ODAD4: variants seen among roughly 807,000 people sequenced by gnomAD.
The protein encoded by ODAD4 is outer dynein arm-docking complex subunit 4.
Under a neutral mutation model 51.8 loss-of-function variants are expected in ODAD4, and 49 were observed. The ratio of observed to expected loss-of-function variants is 0.95; its 90% CI spans 0.75 to 1.20. The LOEUF (loss-of-function observed/expected upper bound fraction) is 1.20, where lower values mean the gene tolerates loss of function less well. Among genes scored for constraint, ODAD4 ranks in the 50% most tolerant of loss-of-function variants. The pLI is 0.00. For missense variants in ODAD4, 590 were observed against 586.5 expected, an observed-to-expected ratio of 1.01 and a Z score of -0.06; for synonymous variants, 235 against 221.3, an observed-to-expected ratio of 1.06 and a Z score of -0.55.
At chr17:41,935,113 G>T (rs944453551) in intron 1 of ODAD4, 104 bp from the exon 2 acceptor site, 2 of 1,348,486 alleles carry the variant, frequency 1.5e-6, no homozygotes, top group Non-Finnish European at 2.0e-6. Context: ...TTTCTTCAGA[G>T]CCTGAAGAAA....
chr17:41,959,332 C>T (rs575646514), intron 10 of ODAD4, among the ~76,000 whole-genome samples: 10 of 152,372 alleles, frequency 6.6e-5, no homozygotes, highest in Admixed American at 2.6e-4. Context: ...ACCACTGGCA[C>T]GCAGCTGGAC....
At chr17:41,933,852 A>G (rs2050385226) in intron 1 of ODAD4, among the ~76,000 whole-genome samples, 1 of 151,928 alleles carries the variant, frequency 6.6e-6, no homozygotes, top group Non-Finnish European at 1.5e-5. Context: ...TAGATGCCTC[A>G]GGAAGGACAG....
chr17:41,961,529 G>C (rs1464413615), intron 11 of ODAD4, 63 bp downstream of exon 11: 1 of 712,976 alleles, frequency 1.4e-6, no homozygotes, highest in Admixed American at 2.0e-5. Context: ...TTTTCCTCTA[G>C]TCCGAGACAC....
At position 41,938,978 on chromosome 17, in the gene ODAD4, C is replaced by T. The variant is rs782659745; in HGVS notation, c.864C>T (p.Gly288=). The T allele has an allele frequency of 1.1e-5, 17 of 1,609,866 alleles. No individual in the cohort carries two copies. The Admixed American group carries it at 2.2e-4, about 21-fold the overall frequency. The change falls in exon 7 of 12, where the codon GGC becomes GGT. Residue 288 remains glycine, a synonymous_variant. Coordinates refer to ENST00000377540, the MANE Select transcript of ODAD4 (RefSeq NM_031421.5). The part of the protein sequence containing the change: ...LEDIDMLLTS[G]SAEGSLQKAE... ...TTCCTTTCTCAGTGCTCACAAGTGG[C>T]AGTGCTGAAGGGAGTCTTCAGAAAG...
chr17:41,937,077 G>C (rs2050440177), intron 5 of ODAD4, 150 bp downstream of exon 5: 4 of 943,318 alleles, frequency 4.2e-6, no homozygotes, highest in Non-Finnish European at 6.4e-6. Flanking sequence ...TTACAGATGA[G>C]GAAACTGAGG....
rs2050878051 is a variant in ODAD4 at position 41,965,882 on chromosome 17, G to A, written c.*399G>A. 6.6e-6 allele frequency among the ~76,000 whole-genome samples: 1 copy of A among 152,188 alleles called. No individual in the cohort carries two copies. Among genetic ancestry groups the A allele is most frequent in the Non-Finnish European group, 1.5e-5 (1 of 68,032 alleles). ...GCGCAGGACAGCGGGGAGGCTTTAT[G>A]GATGGAACAGTGGTGGGGCGGCCCC... On this transcript the variant is annotated 3_prime_UTR_variant, in exon 12 of 12. Coordinates refer to ENST00000377540, the MANE Select transcript of ODAD4 (RefSeq NM_031421.5).
chr17:41,936,366 AG>A (rs1401528159), intron 3 of ODAD4, 106 bp from the exon 4 acceptor site: 5 of 789,452 alleles, frequency 6.3e-6, no homozygotes, highest in Non-Finnish European at 1.1e-5. Flanking sequence ...GCTTTGCCAC[AG>A]CCTCCACCAT....
At chr17:41,964,663 G>T (rs1365014595) in intron 11 of ODAD4, among the ~76,000 whole-genome samples, 1 of 151,810 alleles carries the variant, frequency 6.6e-6, no homozygotes, top group Non-Finnish European at 1.5e-5. Context: ...TTCTTTTTTG[G>T]AGACGGGTCT....
At chr17:41,945,461 A>G (rs1325610294) in intron 8 of ODAD4, among the ~76,000 whole-genome samples, 2 of 151,824 alleles carry the variant, frequency 1.3e-5, no homozygotes, top group African/African-American at 4.8e-5. Flanking sequence ...GCAGTGAGAC[A>G]TGATCACACT....
intron 10 of ODAD4, among the ~76,000 whole-genome samples, chr17:41,960,552 G>A (rs1183152171): frequency 6.6e-6 from 1 of 152,238 alleles, no homozygotes; most frequent in Non-Finnish European, 1.5e-5. Context: ...CCCCAGCTGG[G>A]AGGCAGAGCT....
chr17:41,952,619 A>G (rs1235944880), intron 9 of ODAD4: 1 of 505,912 alleles, frequency 2.0e-6, no homozygotes, highest in African/African-American at 1.9e-5. Context: ...TTGAATAAGC[A>G]TGTGACTCTT....
chr17:41,956,569 G>A lies in ODAD4; in HGVS notation c.1443+1252G>A, dbSNP rs553851768. Among the ~76,000 whole-genome samples, 225 of 147,976 alleles carry A rather than the reference G, an allele frequency of 1.5e-3. 1 individual carries two copies. Among genetic ancestry groups the A allele is most frequent in the Non-Finnish European group, 2.7e-3 (179 of 67,528 alleles). On this transcript the variant is annotated intron_variant, in intron 10 of 11. Coordinates refer to ENST00000377540, the MANE Select transcript of ODAD4 (RefSeq NM_031421.5). ...GGGACCCAACGTGTTGCTGGGACTCGGCAACATGGCGAAACCCTATCTCTA... is the reference window on the plus strand; with the variant it reads ...GGGACCCAACGTGTTGCTGGGACTCAGCAACATGGCGAAACCCTATCTCTA...
chr17:41,933,132 A>G (rs1555637206), intron 1 of ODAD4, among the ~76,000 whole-genome samples: 1 of 152,082 alleles, frequency 6.6e-6, no homozygotes, highest in African/African-American at 2.4e-5. Context: ...ATCATGTCCC[A>G]TCCTGAAGTA....
chr17:41,953,964 C>T (rs1405759100), intron 9 of ODAD4, among the ~76,000 whole-genome samples: 2 of 151,500 alleles, frequency 1.3e-5, no homozygotes, highest in African/African-American at 4.9e-5. Flanking sequence ...CCGCACCTAG[C>T]CTATGTATGT....
Position 41,938,564 on chromosome 17 carries a change from C to A in ODAD4, c.633C>A (p.Ile211=). The stretch of plus-strand genomic sequence containing the variant: ...CACACCCCTTCCCCACAGACCTGAT[C>A]AAAGGCACCATGAAGGGCGGCCTGA... ...LEKLLLDEDL[I]KGTMKGGLTV... The change falls in exon 6 of 12, where the codon ATC becomes ATA. Residue 211 remains isoleucine (I), a synonymous_variant. Transcript: ENST00000377540. 6.2e-7 allele frequency: 1 copy of A among 1,613,754 alleles called. No homozygotes were observed. Among genetic ancestry groups the A allele is most frequent in the South Asian group, 1.1e-5 (1 of 91,056 alleles).
intron 7 of ODAD4, among the ~76,000 whole-genome samples, chr17:41,944,226 G>A (rs1439789770): frequency 3.3e-5 from 5 of 151,640 alleles, no homozygotes; most frequent in Admixed American, 2.6e-4. Flanking sequence ...TTAGCTGGGC[G>A]TGGTGGCATG....
chr17:41,944,431 CACACACACACA>C (rs2050554120), intron 7 of ODAD4, among the ~76,000 whole-genome samples: 7 of 5,490 alleles, frequency 1.3e-3, no homozygotes, highest in Admixed American at 4.0e-3. Flanking sequence ...CACACACACA[CACACACACACA>C]CACCCCCCCG....
In ODAD4 at chr17:41,936,784, C is replaced by T; in HGVS notation, c.482C>T (p.Pro161Leu). ...CAGAATATAAAAGCCCAGCAGAAGC[C>T]TCAGCCCATGAAACACCTCTTACAC... The part of the protein sequence containing the change: ...QAENIKAQQK[P>L]QPMKHLLHPT... Residue 161 changes from proline (P) to leucine (L), a missense_variant, in exon 5 of 12, where the codon CCT (proline) becomes CTT (leucine). By Grantham distance (98) the Pro-to-Leu change is moderately conservative (BLOSUM62 -3). Around this residue, in one of 3 missense-constraint regions of ODAD4, gnomAD observed 360 missense variants for 407.5 expected, o/e 0.88. Coordinates refer to ENST00000377540, the MANE Select transcript of ODAD4 (RefSeq NM_031421.5). The T allele has an allele frequency of 1.2e-6, 2 of 1,613,978 alleles. No individual in the cohort carries two copies. The highest frequency in any genetic ancestry group is 1.7e-5 in the Admixed American group (1 of 60,010).
chr17:41,950,703 T>C (rs2050640991), intron 9 of ODAD4, among the ~76,000 whole-genome samples: 1 of 150,492 alleles, frequency 6.6e-6, no homozygotes. Context: ...TTTAATTTAT[T>C]TTATTTCTTT....
Sources: allele counts gnomAD v4.1 joint callset (sites outside exome capture counted in the v4.1 genomes callset), GRCh38; gene constraint gnomAD v4.1.1; regional missense constraint gnomAD v4.1.1; transcripts MANE v1.5; gene names NCBI Gene and HGNC (gene_info 2026-07-23, HGNC 2026-07-21).